Variants in ALG8 observed in about 807,000 individuals in gnomAD.
ALG8 encodes the protein ALG8 alpha-1,3-glucosyltransferase.
A neutral mutation model predicts 70.2 loss-of-function variants in ALG8; 48 were observed. The ratio of observed to expected loss-of-function variants is 0.68; its 90% CI spans 0.54 to 0.87. The LOEUF is 0.87. Ranked by LOEUF, ALG8 falls within the 40% of genes least tolerant of loss-of-function variation. The pLI is 0.00. For missense variants in ALG8, 572 were observed against 608.7 expected (o/e 0.94, Z 0.64); for synonymous variants, 234 against 229.0 (o/e 1.02, Z -0.20).
At chr11:78,129,100 C>G (rs528734925) in intron 1 of ALG8, among the ~76,000 whole-genome samples, 21 of 152,120 alleles carry the variant, frequency 1.4e-4, no homozygotes, top group Non-Finnish European at 2.8e-4. Flanking sequence ...GCATAGTATG[C>G]TCACTAAAAG....
intron 4 of ALG8, among the ~76,000 whole-genome samples, chr11:78,119,636 G>A (rs1006453911): frequency 1.3e-5 from 2 of 151,916 alleles, no homozygotes; most frequent in African/African-American, 4.8e-5. Context: ...TCACTATGTT[G>A]GCCAGGCTGG....
chr11:78,127,414 G>A lies in ALG8; in HGVS notation c.118C>T (p.His40Tyr). ...PTYHSTDFEV[H>Y]RNWLAITHSL... is the part of the protein sequence containing the mutation. ...TGAGTGATAGCAAGCCAGTTTCGGT[G>A]TACTTCAAAATCTGTGGAATGGCTA... The change falls in exon 2 of 13, where the codon CAC becomes TAC. Residue 40 changes from histidine (H) to tyrosine (Y), a missense_variant. Coordinates refer to ENST00000299626, the MANE Select transcript of ALG8 (RefSeq NM_024079.5). 6.2e-7 allele frequency: 1 copy of A among 1,613,822 alleles called. No homozygotes were observed. Among genetic ancestry groups the A allele is most frequent in the Non-Finnish European group, 8.5e-7 (1 of 1,179,888 alleles).
intron 5 of ALG8, among the ~76,000 whole-genome samples, chr11:78,118,240 A>C (rs1291811993): frequency 6.6e-6 from 1 of 152,164 alleles, no homozygotes; most frequent in Non-Finnish European, 1.5e-5. Context: ...GCTGACAGTA[A>C]AGTATCACTA....
At chr11:78,108,105 C>A (rs28709034) in intron 9 of ALG8, among the ~76,000 whole-genome samples, 2,815 of 152,072 alleles carry the variant, frequency 0.019, 99 homozygotes, top group African/African-American at 0.064. Context: ...TGGTGAAACC[C>A]TGTCTCTACT....
chr11:78,127,938 G>A (rs1298092530), intron 1 of ALG8, among the ~76,000 whole-genome samples: 2 of 152,060 alleles, frequency 1.3e-5, no homozygotes, highest in African/African-American at 4.8e-5. Flanking sequence ...CTGACCTCAG[G>A]TGATCCACCT....
intron 7 of ALG8, among the ~76,000 whole-genome samples, chr11:78,113,018 C>A (rs1202591644): frequency 2.0e-5 from 3 of 152,118 alleles, no homozygotes; most frequent in Non-Finnish European, 2.9e-5. Context: ...ATTATAATAA[C>A]AGAAGAATTT....
At chr11:78,111,217 C>A (rs966734446) in intron 8 of ALG8, among the ~76,000 whole-genome samples, 1 of 152,138 alleles carries the variant, frequency 6.6e-6, no homozygotes, top group South Asian at 2.1e-4. Flanking sequence ...ACTTTTAGCC[C>A]CCTGAGGTAC....
chr11:78,133,087 G>A (rs1436083737), intron 1 of ALG8, among the ~76,000 whole-genome samples: 2 of 151,882 alleles, frequency 1.3e-5, no homozygotes, highest in Non-Finnish European at 1.5e-5. Context: ...CGCCCGCCTC[G>A]GCCTCCCAAA....
intron 10 of ALG8, among the ~76,000 whole-genome samples, chr11:78,104,919 G>A (rs1364170176): frequency 1.3e-5 from 2 of 151,136 alleles, no homozygotes; most frequent in Non-Finnish European, 2.9e-5. Flanking sequence ...AGCCGAGATC[G>A]CGCCACTGCA....
intron 5 of ALG8, among the ~76,000 whole-genome samples, chr11:78,118,514 G>A (rs1017296921): frequency 6.6e-6 from 1 of 151,584 alleles, no homozygotes; most frequent in African/African-American, 2.4e-5. Context: ...TACTTGGGAG[G>A]CTGAGGCACA....
At chr11:78,136,151 G>A (rs1861541025) in intron 1 of ALG8, among the ~76,000 whole-genome samples, 1 of 151,884 alleles carries the variant, frequency 6.6e-6, no homozygotes, top group Admixed American at 6.6e-5. Context: ...GCCTGACAAA[G>A]TGAAACACTG....
chr11:78,135,534 A>G (rs908873485), intron 1 of ALG8, among the ~76,000 whole-genome samples: 3 of 150,734 alleles, frequency 2.0e-5, no homozygotes, highest in Admixed American at 6.6e-5. Context: ...CAACACAGTG[A>G]CCCCATCTCT....
At chr11:78,122,292 T>A (rs1215483242) in intron 3 of ALG8, among the ~76,000 whole-genome samples, 1 of 152,050 alleles carries the variant, frequency 6.6e-6, no homozygotes, top group Non-Finnish European at 1.5e-5. Flanking sequence ...TTAAATAAGT[T>A]AATAATCTGT....
chr11:78,108,455 A>G (rs930108076), intron 9 of ALG8, among the ~76,000 whole-genome samples: 3 of 152,168 alleles, frequency 2.0e-5, no homozygotes, highest in African/African-American at 7.2e-5. Context: ...TAATTATACT[A>G]TCAAAATTAA....
Position 78,124,063 on chromosome 11 carries a change from G to A in ALG8, c.326C>T (p.Ser109Phe). 1 of 1,614,098 alleles carries A rather than the reference G, an allele frequency of 6.2e-7. No homozygotes were observed. The highest frequency in any genetic ancestry group is 2.2e-5 in the East Asian group (1 of 44,868). ...AAAGAGTACATCCATAAAGATGACG[G>A]AAAATCTCTGGAAAAGTAAGGTCCT... is the stretch of plus-strand genomic sequence containing the variant. ...SSRTLLFQRFSVIFMDVLFVY... is the reference protein window; with the variant it reads ...SSRTLLFQRFFVIFMDVLFVY... Residue 109 changes from serine (S) to phenylalanine (F), a missense_variant, in exon 3 of 13, where the codon TCC becomes TTC. Coordinates refer to ENST00000299626, the MANE Select transcript of ALG8 (RefSeq NM_024079.5).
chr11:78,117,143 A>G lies in ALG8; in HGVS notation c.546+2039T>C, dbSNP rs187184256. On this transcript the variant is annotated intron_variant, in intron 5 of 12. Coordinates refer to ENST00000299626, the MANE Select transcript of ALG8 (RefSeq NM_024079.5). ...ATCTTTCCAATGTCCCTGTGAGGTAAGTAGCCCCATTTTACAACTAAGAAT... is the reference window on the plus strand; with the variant it reads ...ATCTTTCCAATGTCCCTGTGAGGTAGGTAGCCCCATTTTACAACTAAGAAT... 3.3e-5 allele frequency among the ~76,000 whole-genome samples: 5 copies of G among 152,290 alleles called. No homozygotes were observed. In the East Asian group the frequency reaches 7.7e-4, roughly 23 times the overall value.
At chr11:78,113,635 T>G (rs1402839819) in intron 7 of ALG8, among the ~76,000 whole-genome samples, 3 of 149,594 alleles carry the variant, frequency 2.0e-5, no homozygotes, top group African/African-American at 7.4e-5. Flanking sequence ...ATCGCTTGAA[T>G]CCAGGAGGTG....
At chr11:78,137,944 T>C (rs1861617578) in intron 1 of ALG8, among the ~76,000 whole-genome samples, 1 of 152,180 alleles carries the variant, frequency 6.6e-6, no homozygotes, top group African/African-American at 2.4e-5. Context: ...AAATGCAGTA[T>C]CTGTGAAGTG....
intron 9 of ALG8, among the ~76,000 whole-genome samples, chr11:78,108,088 G>A (rs1282956366): frequency 6.6e-6 from 1 of 151,766 alleles, no homozygotes; most frequent in Non-Finnish European, 1.5e-5. Flanking sequence ...GACCATCCTG[G>A]ACAACATGGT....
Sources: allele counts gnomAD v4.1 joint callset (sites outside exome capture counted in the v4.1 genomes callset), GRCh38; gene constraint gnomAD v4.1.1; transcripts MANE v1.5; gene names NCBI Gene and HGNC (gene_info 2026-07-23, HGNC 2026-07-21).